Variants in ADISSP observed in about 807,000 individuals in gnomAD.
ADISSP encodes the protein adipose secreted signaling protein, also known as adipose-secreted signaling protein.
At chr20:3,756,320 CTGT>C in the ADISSP span, among the ~76,000 whole-genome samples, 1 of 152,238 alleles carries the variant, frequency 6.6e-6, no homozygotes, top group Non-Finnish European at 1.5e-5. Context: ...CAAGCAATTT[CTGT>C]TGTTCATTCA....
the ADISSP span, chr20:3,755,729 C>T: frequency 1.3e-6 from 1 of 785,570 alleles, no homozygotes; most frequent in Non-Finnish European, 2.0e-6. Flanking sequence ...GCCCAGAAAG[C>T]CCAACTCCCT....
the ADISSP span, among the ~76,000 whole-genome samples, chr20:3,763,486 G>A: frequency 6.6e-6 from 1 of 151,758 alleles, no homozygotes; most frequent in East Asian, 1.9e-4. Flanking sequence ...GAACCCAGGA[G>A]GCGGAGGTTG....
At chr20:3,756,281 G>C in the ADISSP span, among the ~76,000 whole-genome samples, 1 of 152,238 alleles carries the variant, frequency 6.6e-6, no homozygotes, top group Non-Finnish European at 1.5e-5. Context: ...CCACTCAAAG[G>C]CTGTGTCCAA....
At chr20:3,754,365 CCCT>C in the ADISSP span, 1 of 1,600,038 alleles carries the variant, frequency 6.2e-7, no homozygotes, top group Non-Finnish European at 8.5e-7. Flanking sequence ...GCTTGTGCAT[CCCT>C]CCTCCAACCA....
the ADISSP span, among the ~76,000 whole-genome samples, chr20:3,766,784 A>T: frequency 6.6e-6 from 1 of 152,204 alleles, no homozygotes; most frequent in Non-Finnish European, 1.5e-5. Context: ...ACAAAAGACC[A>T]GAATGGGAGA....
the ADISSP span, among the ~76,000 whole-genome samples, chr20:3,756,047 G>C: frequency 0.013 from 1,973 of 152,294 alleles, 24 homozygotes; most frequent in Middle Eastern, 0.02. Context: ...TCATTCACCT[G>C]TCCCCATCAC....
chr20:3,758,507 AGCT>A, the ADISSP span: 1 of 1,602,430 alleles, frequency 6.2e-7, no homozygotes, highest in Non-Finnish European at 8.5e-7. This position sits in a 1 kb window ranked among gnomAD's most constrained non-coding sequence, Gnocchi z 5.5. Context: ...GAGGGGAAGA[AGCT>A]GCTGATGGGG....
chr20:3,765,885 C>A, the ADISSP span, among the ~76,000 whole-genome samples: 1 of 151,958 alleles, frequency 6.6e-6, no homozygotes, highest in African/African-American at 2.4e-5. Flanking sequence ...TGGTGCCTCC[C>A]CGCCAGCAAA....
At chr20:3,757,766 C>T in the ADISSP span, among the ~76,000 whole-genome samples, 624 of 152,276 alleles carry the variant, frequency 4.1e-3, 2 homozygotes, top group African/African-American at 7.5e-3. Context: ...GTAGCTGGGA[C>T]TACAGGCGTG....
the ADISSP span, chr20:3,754,242 C>T: frequency 6.7e-7 from 1 of 1,484,762 alleles, no homozygotes; most frequent in South Asian, 1.1e-5. Context: ...CCCCTTCCCT[C>T]AGGGATCAGC....
At chr20:3,761,287 TACTC>T in the ADISSP span, among the ~76,000 whole-genome samples, 2,138 of 151,824 alleles carry the variant, frequency 0.014, 35 homozygotes, top group African/African-American at 0.039. Context: ...AGGAAGCAGA[TACTC>T]ACAGGCGCCC....
the ADISSP span, among the ~76,000 whole-genome samples, chr20:3,758,241 C>T: frequency 1.3e-5 from 2 of 152,224 alleles, no homozygotes; most frequent in Admixed American, 1.3e-4. This position sits in a 1 kb window ranked among gnomAD's most constrained non-coding sequence, Gnocchi z 5.5. Flanking sequence ...AATGGCTGGC[C>T]TAGACCTGAA....
the ADISSP span, among the ~76,000 whole-genome samples, chr20:3,754,789 A>C: frequency 6.6e-6 from 1 of 152,120 alleles, no homozygotes; most frequent in South Asian, 2.1e-4. Context: ...AGTAGGGTCC[A>C]ATTCAGGCTT....
At chr20:3,758,425 A>C in the ADISSP span, 2 of 929,128 alleles carry the variant, frequency 2.2e-6, no homozygotes, top group African/African-American at 1.6e-5. This position sits in a 1 kb window ranked among gnomAD's most constrained non-coding sequence, Gnocchi z 5.5. Context: ...GGCACAGGGA[A>C]AGGCACAGAC....
the ADISSP span, among the ~76,000 whole-genome samples, chr20:3,757,125 C>T: frequency 1.5e-4 from 23 of 152,066 alleles, no homozygotes; most frequent in Non-Finnish European, 3.2e-4. Flanking sequence ...CCGACACGGA[C>T]GGATCACGAG....
At chr20:3,756,097 G>A in the ADISSP span, among the ~76,000 whole-genome samples, 5 of 152,160 alleles carry the variant, frequency 3.3e-5, no homozygotes, top group African/African-American at 1.2e-4. Context: ...TCCTCCATTC[G>A]CTCATAGGAT....
chr20:3,761,083 A>T, the ADISSP span, among the ~76,000 whole-genome samples: 5 of 152,250 alleles, frequency 3.3e-5, no homozygotes, highest in African/African-American at 1.2e-4. Flanking sequence ...AAGAGGAAGA[A>T]TTCAGCCTGT....
At chr20:3,755,627 G>A in the ADISSP span, 1 of 1,578,922 alleles carries the variant, frequency 6.3e-7, no homozygotes, top group South Asian at 1.1e-5. Context: ...GAGAGGTGAG[G>A]GAGGGAGGCA....
chr20:3,758,599 A>G, the ADISSP span: 1 of 1,613,854 alleles, frequency 6.2e-7, no homozygotes, highest in Non-Finnish European at 8.5e-7. The surrounding 1 kb of genome is among the most constrained non-coding windows in gnomAD (Gnocchi z 5.5). Context: ...GCAGCTTCTC[A>G]TCAAAGTGGA....
Sources: gnomAD v4.1 joint callset for allele counts (sites outside exome capture counted in the v4.1 genomes callset) on GRCh38, gnomAD v4.1.1 for gene constraint, Gnocchi (gnomAD v3.1) non-coding constraint, MANE v1.5 for transcripts, NCBI Gene and HGNC (gene_info 2026-07-23, HGNC 2026-07-21) for gene names.